The following CCSER1 variants were observed in gnomAD, a reference collection of about 807,000 sequenced individuals.
CCSER1 encodes the protein serine-rich coiled-coil domain-containing protein 1.
In CCSER1, 41 loss-of-function variants were observed where a neutral mutation model predicts 82.0. The observed-to-expected ratio is 0.50, with a 90% CI of 0.39 to 0.65. The LOEUF (loss-of-function observed/expected upper bound fraction) is 0.65. Ranked by LOEUF, CCSER1 falls within the 30% of genes least tolerant of loss-of-function variation. The pLI is 0.00. For missense variants in CCSER1, 1,119 were observed against 1,064.2 expected (o/e 1.05, Z -0.72); for synonymous variants, 414 against 383.9 (o/e 1.08, Z -0.92).
At chr4:90,160,203 G>A (rs1351169398) in intron 1 of CCSER1, among the ~76,000 whole-genome samples, 3 of 152,152 alleles carry the variant, frequency 2.0e-5, no homozygotes, top group African/African-American at 7.2e-5. Flanking sequence ...CTTGGTGGAG[G>A]AGAGGGAGTA....
chr4:90,374,437 C>G (rs949646981), intron 3 of CCSER1, among the ~76,000 whole-genome samples: 1 of 152,122 alleles, frequency 6.6e-6, no homozygotes, highest in African/African-American at 2.4e-5. Flanking sequence ...ACAATCAATT[C>G]AACTGATGGG....
At chr4:90,251,359 C>A (rs1200787382) in intron 1 of CCSER1, among the ~76,000 whole-genome samples, 1 of 151,666 alleles carries the variant, frequency 6.6e-6, no homozygotes, top group Admixed American at 6.6e-5. Context: ...ATAATGATAG[C>A]CAGGGATTTT....
At chr4:90,916,676 A>G (rs1333273415) in intron 8 of CCSER1, among the ~76,000 whole-genome samples, 2 of 152,214 alleles carry the variant, frequency 1.3e-5, no homozygotes, top group African/African-American at 4.8e-5. Context: ...ATCTAATTAA[A>G]CTAAAGAGCT....
rs1448087014 is a variant in CCSER1, at chr4:91,211,692, G to T, written c.2217+125698G>T. On this transcript the variant is annotated intron_variant, in intron 10 of 10. Coordinates refer to ENST00000509176, the MANE Select transcript of CCSER1 (RefSeq NM_001145065.2). ...CTTGGGCAATGATAATTTTGGACAA[G>T]TTACTTTCTCAATATCCTCATATAA... Among the ~76,000 whole-genome samples, 3 of 152,000 alleles carry T rather than the reference G, an allele frequency of 2.0e-5. 1 individual carries two copies. Among genetic ancestry groups the T allele is most frequent in the Admixed American group, 2.0e-4 (3 of 15,240 alleles).
At chr4:90,839,489 T>C (rs1762289394) in intron 8 of CCSER1, among the ~76,000 whole-genome samples, 1 of 152,222 alleles carries the variant, frequency 6.6e-6, no homozygotes, top group Admixed American at 6.5e-5. Flanking sequence ...CTGAACTTGC[T>C]ACAGCTTCAT....
chr4:91,575,975 A>G (rs893352485), intron 10 of CCSER1, among the ~76,000 whole-genome samples: 3 of 151,982 alleles, frequency 2.0e-5, no homozygotes, highest in African/African-American at 7.2e-5. Context: ...TAAAACTACC[A>G]TATAATGCAG....
chr4:90,441,067 G>T (rs1195889192), intron 4 of CCSER1, among the ~76,000 whole-genome samples: 1 of 152,186 alleles, frequency 6.6e-6, no homozygotes, highest in Non-Finnish European at 1.5e-5. Flanking sequence ...TTAGATTTAA[G>T]TGGTGTTTTG....
chr4:90,662,850 G>A (rs1228774470), intron 6 of CCSER1, among the ~76,000 whole-genome samples: 1 of 151,970 alleles, frequency 6.6e-6, no homozygotes, highest in Non-Finnish European at 1.5e-5. Context: ...TCTGATTCAG[G>A]TCCTGCTATG....
intron 3 of CCSER1, among the ~76,000 whole-genome samples, chr4:90,333,136 CA>C (rs545404495): frequency 7.8e-4 from 118 of 152,194 alleles, no homozygotes; most frequent in Non-Finnish European, 1.6e-3. Context: ...TGGATCATGT[CA>C]GGGGGTGCAA....
intron 10 of CCSER1, among the ~76,000 whole-genome samples, chr4:91,586,333 A>T (rs1763991251): frequency 6.6e-6 from 1 of 151,704 alleles, no homozygotes; most frequent in African/African-American, 2.4e-5. Flanking sequence ...GTTCACATGA[A>T]GTTGGTATGT....
chr4:90,819,808 G>T (rs1759501645), intron 8 of CCSER1, among the ~76,000 whole-genome samples: 1 of 152,176 alleles, frequency 6.6e-6, no homozygotes, highest in Non-Finnish European at 1.5e-5. Flanking sequence ...ACCTTGGTGA[G>T]ATTTACTGTT....
chr4:90,884,376 G>T (rs1312079560), intron 8 of CCSER1, among the ~76,000 whole-genome samples: 2 of 152,084 alleles, frequency 1.3e-5, no homozygotes, highest in African/African-American at 4.8e-5. Context: ...AGGGATACAT[G>T]TATATACACA....
chr4:90,790,198 C>A (rs888549672), intron 7 of CCSER1, among the ~76,000 whole-genome samples: 6 of 152,070 alleles, frequency 3.9e-5, no homozygotes, highest in Non-Finnish European at 8.8e-5. Context: ...TCCTATGCAG[C>A]CTTTTCTTTA....
intron 10 of CCSER1, among the ~76,000 whole-genome samples, chr4:91,156,919 G>A (rs907381214): frequency 1.8e-4 from 27 of 151,970 alleles, no homozygotes; most frequent in African/African-American, 5.8e-4. Flanking sequence ...TCTTATAGCA[G>A]TGATACTTAC....
intron 10 of CCSER1, among the ~76,000 whole-genome samples, chr4:91,478,557 T>C (rs922153941): frequency 6.6e-6 from 1 of 151,954 alleles, no homozygotes; most frequent in African/African-American, 2.4e-5. Flanking sequence ...GGCAAATGTA[T>C]TAAATTCTAG....
At chr4:91,285,812 T>A (rs1743233307) in intron 10 of CCSER1, among the ~76,000 whole-genome samples, 1 of 151,890 alleles carries the variant, frequency 6.6e-6, no homozygotes, top group Non-Finnish European at 1.5e-5. Context: ...TTTGTAATTG[T>A]GGTGCTTATC....
chr4:90,959,945 A>G (rs550423815), intron 9 of CCSER1, among the ~76,000 whole-genome samples: 5 of 152,228 alleles, frequency 3.3e-5, no homozygotes, highest in Admixed American at 2.6e-4. Context: ...ACCCAAATCC[A>G]GAATTTTAAT....
intron 9 of CCSER1, among the ~76,000 whole-genome samples, chr4:91,031,322 C>G (rs1740962794): frequency 6.6e-6 from 1 of 152,084 alleles, no homozygotes; most frequent in African/African-American, 2.4e-5. Flanking sequence ...CTCCCTTTGT[C>G]CTACATGGAT....
intron 10 of CCSER1, among the ~76,000 whole-genome samples, chr4:91,511,342 C>A (rs1578659000): frequency 6.6e-6 from 1 of 152,070 alleles, no homozygotes; most frequent in South Asian, 2.1e-4. Flanking sequence ...TAGAATAGCT[C>A]ATTCTAGTTC....
Sources: allele counts gnomAD v4.1 joint callset (sites outside exome capture counted in the v4.1 genomes callset), GRCh38; gene constraint gnomAD v4.1.1; transcripts MANE v1.5; gene names NCBI Gene and HGNC (gene_info 2026-07-23, HGNC 2026-07-21).